Variants in MAPK8 observed in about 807,000 individuals in gnomAD.
MAPK8 encodes JUN N-terminal kinase.
A neutral mutation model predicts 52.9 loss-of-function variants in MAPK8; 13 were observed. The observed-to-expected ratio is 0.25, with a 90% CI of 0.16 to 0.39. MAPK8 has a LOEUF of 0.39. Ranked by LOEUF, MAPK8 falls within the 10% of genes least tolerant of loss-of-function variation. The probability of loss-of-function intolerance (pLI) is 1.00; values close to 1 mark genes in which losing one functional copy is unlikely to be tolerated. For missense variants in MAPK8, 300 were observed against 519.2 expected (o/e 0.58, Z 4.10); for synonymous variants, 191 against 169.8 (o/e 1.12, Z -0.97).
At chr10:48,404,605 C>T (rs2042359292) in intron 2 of MAPK8, among the ~76,000 whole-genome samples, 1 of 152,140 alleles carries the variant, frequency 6.6e-6, no homozygotes, top group Non-Finnish European at 1.5e-5. Context: ...GGCAACACAA[C>T]GAACATGCAG....
chr10:48,392,238 C>T (rs1239445974), intron 1 of MAPK8, among the ~76,000 whole-genome samples: 1 of 152,140 alleles, frequency 6.6e-6, no homozygotes, highest in Non-Finnish European at 1.5e-5. Context: ...TTATGACCTG[C>T]AGTCAGAAAG....
At chr10:48,414,524 T>C (rs2042954219) in intron 5 of MAPK8, among the ~76,000 whole-genome samples, 1 of 149,198 alleles carries the variant, frequency 6.7e-6, no homozygotes, top group Admixed American at 6.7e-5. Context: ...GTAATCATAG[T>C]TCACTTGCAG....
chr10:48,321,977 G>A (rs551016837), intron 1 of MAPK8, among the ~76,000 whole-genome samples: 1 of 152,166 alleles, frequency 6.6e-6, no homozygotes, highest in African/African-American at 2.4e-5. Flanking sequence ...TGTGTAATGG[G>A]TTATGTTGGA....
chr10:48,371,575 A>T (rs556099869), intron 1 of MAPK8, among the ~76,000 whole-genome samples: 3 of 152,214 alleles, frequency 2.0e-5, no homozygotes, highest in African/African-American at 7.2e-5. Flanking sequence ...TACTATAATC[A>T]TACAAGACAG....
chr10:48,425,233 C>T (rs1168309120), intron 7 of MAPK8: 1 of 755,724 alleles, frequency 1.3e-6, no homozygotes, highest in Non-Finnish European at 2.5e-6. Flanking sequence ...AGTTTTAGGC[C>T]TTGGCCTTCA....
rs568636061 is a variant in MAPK8 at position 48,313,168 on chromosome 10, C to A, written c.-50+6347C>A. On this transcript the variant is annotated intron_variant, in intron 1 of 11. Transcript: ENST00000374189. ...CAGACATAGGCCAGGCGCGGTGGCT[C>A]ACGCCTGTAATCTGAGCACTTTGGG... Among the ~76,000 whole-genome samples the A allele has an allele frequency of 2.0e-5, 3 of 152,286 alleles. No individual in the cohort carries two copies. The South Asian group carries it at 6.2e-4, about 32-fold the overall frequency.
intron 1 of MAPK8, among the ~76,000 whole-genome samples, chr10:48,323,228 A>G (rs146752390): frequency 4.6e-5 from 7 of 152,332 alleles, no homozygotes; most frequent in East Asian, 3.9e-4. Context: ...TTTCATGTCT[A>G]TTAGGAGTGT....
intron 1 of MAPK8, among the ~76,000 whole-genome samples, chr10:48,340,247 C>G (rs1163154041): frequency 6.6e-6 from 1 of 152,174 alleles, no homozygotes; most frequent in Non-Finnish European, 1.5e-5. Flanking sequence ...ATGTCCTTTA[C>G]AGCAACGTGG....
chr10:48,403,517 A>T (rs1446249171), intron 2 of MAPK8, among the ~76,000 whole-genome samples: 1 of 152,150 alleles, frequency 6.6e-6, no homozygotes, highest in East Asian at 1.9e-4. Flanking sequence ...AAATTTGCAT[A>T]ATAGAATGGC....
At chr10:48,360,593 A>G (rs1338422522) in intron 1 of MAPK8, among the ~76,000 whole-genome samples, 1 of 152,186 alleles carries the variant, frequency 6.6e-6, no homozygotes, top group Non-Finnish European at 1.5e-5. Context: ...AAACTGTGGT[A>G]TATTCATGTA....
chr10:48,352,842 G>A (rs545150108), intron 1 of MAPK8, among the ~76,000 whole-genome samples: 13 of 152,218 alleles, frequency 8.5e-5, no homozygotes, highest in African/African-American at 2.9e-4. Context: ...CGCCTGTGAC[G>A]TGATCATCTG....
Position 48,420,326 on chromosome 10 carries a change from C to T in MAPK8, c.616+6C>T, listed in dbSNP as rs774307564. The T allele has an allele frequency of 6.4e-7, 1 of 1,566,448 alleles. No homozygotes were observed. The highest frequency in any genetic ancestry group is 1.2e-5 in the South Asian group (1 of 84,304). On this transcript the variant is annotated splice_donor_region_variant and intron_variant, in intron 6 of 11. Coordinates refer to ENST00000374189, the MANE Select transcript of MAPK8 (RefSeq NM_001323329.2). ...CATGGGCTACAAGGAAAACGGTCAG[C>T]ACACACATTTATTTGAAATATTTTT...
At chr10:48,421,868 A>G (rs2043378095) in intron 6 of MAPK8, among the ~76,000 whole-genome samples, 1 of 152,118 alleles carries the variant, frequency 6.6e-6, no homozygotes, top group South Asian at 2.1e-4. Flanking sequence ...AATTATGTAG[A>G]TCACCTTCTT....
chr10:48,321,499 C>G (rs1842996357), intron 1 of MAPK8, among the ~76,000 whole-genome samples: 1 of 152,144 alleles, frequency 6.6e-6, no homozygotes, highest in South Asian at 2.1e-4. Context: ...TCATTTGTAG[C>G]ACAAAAAGTT....
chr10:48,362,737 G>GTTTTT (rs10715224), intron 1 of MAPK8, among the ~76,000 whole-genome samples: 1 of 87,738 alleles, frequency 1.1e-5, no homozygotes, highest in East Asian at 3.1e-4. Flanking sequence ...AATTTTATTA[G>GTTTTT]TTTTTTTTTT....
chr10:48,431,055 G>A (rs749863314), intron 10 of MAPK8, 138 bp from the exon 11 acceptor site: 68 of 660,676 alleles, frequency 1.0e-4, no homozygotes, highest in Middle Eastern at 7.9e-4. Context: ...ATCTTAGGCC[G>A]ACATTTAACT....
At chr10:48,374,194 A>G (rs2040507742) in intron 1 of MAPK8, among the ~76,000 whole-genome samples, 1 of 152,220 alleles carries the variant, frequency 6.6e-6, no homozygotes, top group East Asian at 1.9e-4. Context: ...CTTTGAAACC[A>G]GTGAGAACAA....
intron 1 of MAPK8, among the ~76,000 whole-genome samples, chr10:48,337,640 C>T (rs528793295): frequency 3.9e-5 from 6 of 152,010 alleles, no homozygotes; most frequent in Admixed American, 1.3e-4. Flanking sequence ...AAAAATTACA[C>T]ACAGAATCAA....
intron 1 of MAPK8, among the ~76,000 whole-genome samples, chr10:48,328,635 A>G (rs1354236566): frequency 6.6e-6 from 1 of 152,240 alleles, no homozygotes; most frequent in Non-Finnish European, 1.5e-5. Flanking sequence ...CAGATTTGAC[A>G]CATTGAGATC....
Sources: allele counts gnomAD v4.1 joint callset (sites outside exome capture counted in the v4.1 genomes callset), GRCh38; gene constraint gnomAD v4.1.1; transcripts MANE v1.5; gene names NCBI Gene and HGNC (gene_info 2026-07-23, HGNC 2026-07-21).